ZFPM2: variants seen among roughly 807,000 people sequenced by gnomAD.
The protein encoded by ZFPM2 is zinc finger protein ZFPM2.
ZFPM2 carries 20 observed loss-of-function variants against 98.6 expected under a neutral mutation model. The ratio of observed to expected loss-of-function variants is 0.20; its 90% confidence interval spans 0.14 to 0.29. The LOEUF is 0.29. ZFPM2 is among the 10% of genes least tolerant of loss of function. The pLI is 1.00. For synonymous variants in ZFPM2, 518 were observed against 502.7 expected, an observed-to-expected ratio of 1.03 and a Z score of -0.41; for missense variants, 1,310 against 1,388.6, an observed-to-expected ratio of 0.94 and a Z score of 0.90.
chr8:105,731,793 A>G (rs1811946080), intron 5 of ZFPM2, among the ~76,000 whole-genome samples: 1 of 151,788 alleles, frequency 6.6e-6, no homozygotes. Flanking sequence ...TGTTTGTACC[A>G]TGATGACAAA....
At chr8:105,334,060 C>G (rs761091073) in intron 1 of ZFPM2, among the ~76,000 whole-genome samples, 2 of 145,936 alleles carry the variant, frequency 1.4e-5, no homozygotes, top group African/African-American at 2.6e-5. Context: ...AAAATGTATA[C>G]ATTGTGGAAT....
chr8:105,794,791 G>GC (rs1813739965), intron 6 of ZFPM2, among the ~76,000 whole-genome samples: 1 of 152,158 alleles, frequency 6.6e-6, no homozygotes, highest in Non-Finnish European at 1.5e-5. Context: ...AATGGCTGGC[G>GC]CCCCTCCCCC....
intron 2 of ZFPM2, among the ~76,000 whole-genome samples, chr8:105,437,441 T>C (rs1812142271): frequency 6.6e-6 from 1 of 152,204 alleles, no homozygotes; most frequent in South Asian, 2.1e-4. Context: ...CATATGAAAC[T>C]ACTTGTTCAA....
At chr8:105,375,583 T>C (rs534565391) in intron 1 of ZFPM2, among the ~76,000 whole-genome samples, 23 of 152,242 alleles carry the variant, frequency 1.5e-4, no homozygotes, top group African/African-American at 5.3e-4. Flanking sequence ...TCCTGGAATA[T>C]AACCAAGCAG....
At chr8:105,547,568 A>AAAAAAAAAT (rs1554616003) in intron 3 of ZFPM2, among the ~76,000 whole-genome samples, 1 of 144,082 alleles carries the variant, frequency 6.9e-6, no homozygotes, top group Admixed American at 6.8e-5. Context: ...AAAAAAAAAA[A>AAAAAAAAAT]AGAAATCAGA....
intron 1 of ZFPM2, among the ~76,000 whole-genome samples, chr8:105,402,761 C>T (rs1434784306): frequency 1.3e-5 from 2 of 152,026 alleles, no homozygotes; most frequent in African/African-American, 4.8e-5. Flanking sequence ...GTGGTCCCTA[C>T]AAATTACTTT....
At chr8:105,710,696 TG>T (rs1563531599) in intron 5 of ZFPM2, among the ~76,000 whole-genome samples, 13 of 148,630 alleles carry the variant, frequency 8.7e-5, no homozygotes, top group African/African-American at 3.3e-4. Flanking sequence ...TGTGTGTGTG[TG>T]TGTGTATGTG....
chr8:105,669,571 A>C (rs1817551275), intron 5 of ZFPM2, among the ~76,000 whole-genome samples: 1 of 150,046 alleles, frequency 6.7e-6, no homozygotes, highest in South Asian at 2.1e-4. Context: ...TGTGTAAATA[A>C]AGATTACTTT....
intron 4 of ZFPM2, among the ~76,000 whole-genome samples, chr8:105,573,677 T>C (rs1206213073): frequency 6.6e-6 from 1 of 152,240 alleles, no homozygotes; most frequent in East Asian, 1.9e-4. Flanking sequence ...AATTAAAATA[T>C]ACAAAACGTG....
At chr8:105,439,778 A>T (rs1307581421) in intron 2 of ZFPM2, among the ~76,000 whole-genome samples, 4 of 152,316 alleles carry the variant, frequency 2.6e-5, no homozygotes, top group South Asian at 4.1e-4. Context: ...ATTATTTAAA[A>T]ACTGTAGGGT....
chr8:105,610,429 TAGA>T (rs1285451187), intron 4 of ZFPM2, among the ~76,000 whole-genome samples: 2 of 152,090 alleles, frequency 1.3e-5, no homozygotes, highest in African/African-American at 2.4e-5. Flanking sequence ...AAAGTTAAAA[TAGA>T]AGAAGGTCAA....
chr8:105,708,455 T>G (rs888967605), intron 5 of ZFPM2, among the ~76,000 whole-genome samples: 3 of 151,974 alleles, frequency 2.0e-5, no homozygotes, highest in African/African-American at 7.3e-5. Flanking sequence ...TTGTTTGTTT[T>G]GTCTCCCTCC....
chr8:105,576,165 C>T (rs1418918877), intron 4 of ZFPM2, among the ~76,000 whole-genome samples: 3 of 152,036 alleles, frequency 2.0e-5, no homozygotes, highest in Non-Finnish European at 4.4e-5. Context: ...TTACAGCACA[C>T]GGTAATAATA....
Position 105,669,535 on chromosome 8 carries a change from C to CGTGT in ZFPM2, c.532+35178_532+35179insGTGT, listed in dbSNP as rs774418053. Among the ~76,000 whole-genome samples, 267 of 130,900 alleles carry CGTGT rather than the reference C, an allele frequency of 2.0e-3. 2 individuals carry two copies. The highest frequency in any genetic ancestry group is 5.1e-3 in the South Asian group (20 of 3,886). 85.9% of individuals were successfully genotyped at this position (130,900 alleles called of 152,430 possible). On this transcript the variant is annotated intron_variant, in intron 5 of 7. Coordinates refer to ENST00000407775, the MANE Select transcript of ZFPM2 (RefSeq NM_012082.4). ...GTCTCTATTTTAAGCTGAAAGTGTG[C>CGTGT]ATGTGTGTGTGTGTGTGTGTGTGTG... is the stretch of plus-strand genomic sequence containing the variant.
intron 7 of ZFPM2, among the ~76,000 whole-genome samples, chr8:105,799,524 T>C (rs1402482928): frequency 6.6e-6 from 1 of 152,166 alleles, no homozygotes; most frequent in Non-Finnish European, 1.5e-5. Flanking sequence ...TAAAATCCCT[T>C]AAGAAAAAAA....
At chr8:105,735,599 A>G (rs1429753388) in intron 5 of ZFPM2, among the ~76,000 whole-genome samples, 4 of 151,290 alleles carry the variant, frequency 2.6e-5, no homozygotes, top group Non-Finnish European at 4.4e-5. Context: ...ACCATATTAT[A>G]GGAGGAGGTT....
intron 3 of ZFPM2, among the ~76,000 whole-genome samples, chr8:105,522,827 C>T (rs1814092735): frequency 6.6e-6 from 1 of 152,000 alleles, no homozygotes; most frequent in African/African-American, 2.4e-5. Context: ...CTTTCTTAGG[C>T]TCTATTTAGC....
At chr8:105,460,374 A>G (rs934600182) in intron 3 of ZFPM2, among the ~76,000 whole-genome samples, 5 of 152,178 alleles carry the variant, frequency 3.3e-5, no homozygotes, top group African/African-American at 1.2e-4. Flanking sequence ...ATGAGGGAAG[A>G]ACACATAGGA....
intron 3 of ZFPM2, among the ~76,000 whole-genome samples, chr8:105,538,995 G>A (rs909834136): frequency 6.6e-6 from 1 of 152,106 alleles, no homozygotes; most frequent in African/African-American, 2.4e-5. Context: ...CTCCAGCCTA[G>A]GCAATAGAGC....
Sources: allele counts gnomAD v4.1 joint callset (sites outside exome capture counted in the v4.1 genomes callset), GRCh38; gene constraint gnomAD v4.1.1; transcripts MANE v1.5; gene names NCBI Gene and HGNC (gene_info 2026-07-23, HGNC 2026-07-21).